STK32B: variants seen among roughly 807,000 people sequenced by gnomAD.
STK32B encodes the protein serine/threonine kinase 32B, also known as serine/threonine-protein kinase 32B.
Under a neutral mutation model 52.6 loss-of-function variants are expected in STK32B, and 43 were observed. That is an observed-to-expected ratio of 0.82 (90% CI 0.64 to 1.05). The LOEUF is 1.05. Among genes scored for constraint, STK32B ranks in the 50% least tolerant of loss-of-function variants. The pLI is 0.00. For synonymous variants in STK32B, 238 were observed against 204.3 expected, an observed-to-expected ratio of 1.17 and a Z score of -1.41; for missense variants, 621 against 534.6, an observed-to-expected ratio of 1.16 and a Z score of -1.59.
At chr4:5,100,634 CTTTCTTTCT>C (rs1713699849) in intron 1 of STK32B, among the ~76,000 whole-genome samples, 1 of 74,072 alleles carries the variant, frequency 1.4e-5, no homozygotes, top group Non-Finnish European at 2.5e-5. Flanking sequence ...CTTTCTTTCT[CTTTCTTTCT>C]TTCTCTCTTT....
intron 6 of STK32B, among the ~76,000 whole-genome samples, chr4:5,424,848 G>C (rs1712951359): frequency 6.6e-6 from 1 of 152,214 alleles, no homozygotes; most frequent in African/African-American, 2.4e-5. Context: ...GGAGAGAAGA[G>C]CTGTAGCCCT....
At chr4:5,100,991 T>C (rs566935635) in intron 1 of STK32B, among the ~76,000 whole-genome samples, 1 of 152,158 alleles carries the variant, frequency 6.6e-6, no homozygotes, top group African/African-American at 2.4e-5. Flanking sequence ...CTCGAACTCA[T>C]GGGCTCAAGT....
chr4:5,056,288 A>G (rs1407816334), intron 1 of STK32B, among the ~76,000 whole-genome samples: 1 of 152,196 alleles, frequency 6.6e-6, no homozygotes, highest in Admixed American at 6.5e-5. Flanking sequence ...GGTGCCAAAA[A>G]GGTTGGGGAC....
At chr4:5,042,165 A>C in the STK32B span, among the ~76,000 whole-genome samples, 1 of 152,214 alleles carries the variant, frequency 6.6e-6, no homozygotes, top group Non-Finnish European at 1.5e-5. Context: ...AAAGAATCCC[A>C]GTTCATATTT....
At chr4:5,495,899 T>C (rs1395742173) in intron 11 of STK32B, among the ~76,000 whole-genome samples, 1 of 152,202 alleles carries the variant, frequency 6.6e-6, no homozygotes, top group Non-Finnish European at 1.5e-5. Context: ...CGGGTTTTCC[T>C]GAACTGCGAA....
chr4:5,320,184 C>T (rs1017779930), intron 3 of STK32B, among the ~76,000 whole-genome samples: 6 of 152,070 alleles, frequency 3.9e-5, no homozygotes, highest in Non-Finnish European at 8.8e-5. Flanking sequence ...CCTTCCCCTC[C>T]TAGAGTACAA....
chr4:5,357,766 A>G (rs1734282080), intron 4 of STK32B, among the ~76,000 whole-genome samples: 1 of 131,594 alleles, frequency 7.6e-6, no homozygotes, highest in African/African-American at 3.2e-5. Context: ...CAATAATGAG[A>G]TAGTAATAAT....
intron 6 of STK32B, among the ~76,000 whole-genome samples, chr4:5,440,949 T>A (rs1423705061): frequency 6.6e-6 from 1 of 150,772 alleles, no homozygotes; most frequent in African/African-American, 2.4e-5. Context: ...ATCCCAGGGA[T>A]GAAGCCCACT....
chr4:5,495,865 C>G (rs879788778), intron 11 of STK32B, among the ~76,000 whole-genome samples: 2 of 152,060 alleles, frequency 1.3e-5, no homozygotes, highest in African/African-American at 2.4e-5. Flanking sequence ...TGCCTGGGTA[C>G]CAGCAGTGGT....
At chr4:5,372,380 C>T (rs989796584) in intron 4 of STK32B, among the ~76,000 whole-genome samples, 3 of 152,082 alleles carry the variant, frequency 2.0e-5, no homozygotes, top group Admixed American at 6.5e-5. Context: ...GTTAATTTAC[C>T]GAAAATGCCA....
chr4:5,461,834 T>G (rs1717052141), intron 9 of STK32B, among the ~76,000 whole-genome samples: 1 of 152,190 alleles, frequency 6.6e-6, no homozygotes, highest in Admixed American at 6.5e-5. Context: ...CTGCCTAACC[T>G]TAGGGAATCT....
At chr4:5,494,140 C>T (rs1284674104) in intron 11 of STK32B, among the ~76,000 whole-genome samples, 2 of 152,070 alleles carry the variant, frequency 1.3e-5, no homozygotes, top group Non-Finnish European at 2.9e-5. Flanking sequence ...TCTTTGTTAA[C>T]TTTCTGTCTC....
chr4:5,122,269 T>C (rs1404319321), intron 1 of STK32B, among the ~76,000 whole-genome samples: 3 of 151,946 alleles, frequency 2.0e-5, no homozygotes, highest in African/African-American at 7.2e-5. Context: ...CATTCATTCA[T>C]TCATTCACTC....
At chr4:5,115,214 G>T (rs1714649233) in intron 1 of STK32B, among the ~76,000 whole-genome samples, 1 of 152,098 alleles carries the variant, frequency 6.6e-6, no homozygotes, top group South Asian at 2.1e-4. Flanking sequence ...TAGATGGGAG[G>T]AACTCATTCT....
intron 4 of STK32B, among the ~76,000 whole-genome samples, chr4:5,355,310 G>A (rs369865815): frequency 7.2e-5 from 11 of 152,012 alleles, no homozygotes; most frequent in East Asian, 1.9e-4. Context: ...AGCCTGCCCC[G>A]TGCCCATCTC....
At chr4:5,264,949 A>G (rs1726967277) in intron 3 of STK32B, among the ~76,000 whole-genome samples, 1 of 152,088 alleles carries the variant, frequency 6.6e-6, no homozygotes, top group Non-Finnish European at 1.5e-5. Flanking sequence ...TTTAATTTGG[A>G]TGAACTGCCA....
At chr4:5,104,707 T>G (rs560628998) in intron 1 of STK32B, among the ~76,000 whole-genome samples, 34 of 152,348 alleles carry the variant, frequency 2.2e-4, no homozygotes, top group African/African-American at 7.9e-4. Flanking sequence ...AGGTCATTCT[T>G]ATCACAAATT....
intron 3 of STK32B, among the ~76,000 whole-genome samples, chr4:5,177,423 G>A (rs1431698180): frequency 6.6e-6 from 1 of 152,126 alleles, no homozygotes; most frequent in Non-Finnish European, 1.5e-5. Context: ...GGGCATTATA[G>A]GGATTACAGT....
intron 9 of STK32B, among the ~76,000 whole-genome samples, chr4:5,462,750 G>A (rs921067197): frequency 8.5e-5 from 13 of 152,170 alleles, no homozygotes; most frequent in Admixed American, 1.3e-4. Context: ...GTGTTGAGCA[G>A]CACCCCGGGA....
Sources: allele counts gnomAD v4.1 joint callset (sites outside exome capture counted in the v4.1 genomes callset), GRCh38; gene constraint gnomAD v4.1.1; transcripts MANE v1.5; gene names NCBI Gene and HGNC (gene_info 2026-07-23, HGNC 2026-07-21).